FRMD4A: variants seen among roughly 807,000 people sequenced by gnomAD.
FRMD4A encodes FERM domain-containing protein 4A.
In FRMD4A, 29 loss-of-function variants were observed where a neutral mutation model predicts 129.1. The ratio of observed to expected loss-of-function variants is 0.22; its 90% CI spans 0.17 to 0.31. FRMD4A has a LOEUF of 0.31. FRMD4A is among the 10% of genes least tolerant of loss of function. The probability of loss-of-function intolerance (pLI) is 1.00; values close to 1 mark genes in which losing one functional copy is unlikely to be tolerated. For missense variants in FRMD4A, 1,272 were observed against 1,375.8 expected, an observed-to-expected ratio of 0.92 and a Z score of 1.19; for synonymous variants, 634 against 571.6, an observed-to-expected ratio of 1.11 and a Z score of -1.56.
intron 2 of FRMD4A, among the ~76,000 whole-genome samples, chr10:14,210,290 C>T (rs1564389473): frequency 6.6e-6 from 1 of 152,156 alleles, no homozygotes; most frequent in East Asian, 1.9e-4. Flanking sequence ...GACAAGGTAC[C>T]ATCTATGAAC....
chr10:13,847,936 A>G (rs2094077036), intron 3 of FRMD4A, among the ~76,000 whole-genome samples: 1 of 152,244 alleles, frequency 6.6e-6, no homozygotes, highest in South Asian at 2.1e-4. Flanking sequence ...ATTAATAAAA[A>G]CGATGACAGC....
Position 13,675,188 on chromosome 10 carries a change from C to T in FRMD4A, c.1118-144G>A, listed in dbSNP as rs553400794. 2.6e-5 allele frequency: 18 copies of T among 694,832 alleles called. No individual in the cohort carries two copies. In the African/African-American group the frequency reaches 3.0e-4, roughly 12 times the overall value. 43.0% of individuals were successfully genotyped at this position (694,832 alleles called of 1,614,324 possible). On this transcript the variant is annotated intron_variant, in intron 15 of 24. Coordinates refer to ENST00000357447, the MANE Select transcript of FRMD4A (RefSeq NM_018027.5). ...TGTGAAATAAAACAGGTGCTCAGCA[C>T]TCTAACTGTGAGAAGCACATTCCAG...
chr10:14,008,840 C>T (rs1416482162), intron 2 of FRMD4A, among the ~76,000 whole-genome samples: 1 of 151,992 alleles, frequency 6.6e-6, no homozygotes, highest in African/African-American at 2.4e-5. Context: ...TGCTTTCTAA[C>T]GCATAAAAAT....
chr10:13,646,967 C>T lies in FRMD4A; in HGVS notation c.*71G>A. On this transcript the variant is annotated 3_prime_UTR_variant, in exon 25 of 25. Coordinates refer to ENST00000357447, the MANE Select transcript of FRMD4A (RefSeq NM_018027.5). ...GGTCCCGGGCTTGGCTTTTTCCTGC[C>T]CGTACCACTGGACATCAGCTAGTTC... 1 of 984,360 alleles carries T rather than the reference C, an allele frequency of 1.0e-6. No individual in the cohort carries two copies. The highest frequency in any genetic ancestry group is 1.2e-6 in the Non-Finnish European group (1 of 828,620). 61.0% of individuals were successfully genotyped at this position (984,360 alleles called of 1,614,324 possible).
intron 19 of FRMD4A, among the ~76,000 whole-genome samples, chr10:13,663,199 A>G (rs1197748393): frequency 1.3e-5 from 2 of 152,090 alleles, no homozygotes; most frequent in African/African-American, 4.8e-5. Flanking sequence ...CAAAAAAAAA[A>G]AAAAAAGTTT....
At chr10:13,683,623 A>G (rs2084815797) in intron 15 of FRMD4A, among the ~76,000 whole-genome samples, 1 of 151,984 alleles carries the variant, frequency 6.6e-6, no homozygotes. Context: ...AGAATGAGAC[A>G]GGTAGTAGTT....
At chr10:13,769,114 C>T (rs2092378372) in intron 6 of FRMD4A, among the ~76,000 whole-genome samples, 1 of 150,624 alleles carries the variant, frequency 6.6e-6, no homozygotes, top group African/African-American at 2.5e-5. Context: ...CCTCAGCCTC[C>T]CAAGTAGCTG....
At chr10:14,058,617 GCA>G (rs1171786645) in intron 2 of FRMD4A, among the ~76,000 whole-genome samples, 1 of 152,202 alleles carries the variant, frequency 6.6e-6, no homozygotes, top group African/African-American at 2.4e-5. Context: ...ATCTAGGGAG[GCA>G]CAGATTGGAT....
At chr10:14,071,557 A>G (rs1302521291) in intron 2 of FRMD4A, among the ~76,000 whole-genome samples, 4 of 152,240 alleles carry the variant, frequency 2.6e-5, no homozygotes, top group African/African-American at 4.8e-5. Flanking sequence ...TTTAGGAAGA[A>G]AAAAAGACCT....
At chr10:14,123,685 G>A (rs1838664986) in intron 2 of FRMD4A, among the ~76,000 whole-genome samples, 1 of 152,158 alleles carries the variant, frequency 6.6e-6, no homozygotes, top group Non-Finnish European at 1.5e-5. Context: ...ACCTTTCAGA[G>A]CCTTCAAGAA....
At chr10:14,068,949 C>T (rs1588904285) in intron 2 of FRMD4A, among the ~76,000 whole-genome samples, 1 of 144,652 alleles carries the variant, frequency 6.9e-6, no homozygotes, top group Non-Finnish European at 1.5e-5. Context: ...AAATACGTCT[C>T]GAATGTTTTG....
intron 15 of FRMD4A, among the ~76,000 whole-genome samples, chr10:13,677,752 G>A (rs1353690285): frequency 2.0e-5 from 3 of 152,162 alleles, no homozygotes; most frequent in Non-Finnish European, 4.4e-5. Flanking sequence ...CTTAGTAACA[G>A]TCACCAATCA....
chr10:14,197,064 C>A (rs1326325379), intron 2 of FRMD4A, among the ~76,000 whole-genome samples: 1 of 152,160 alleles, frequency 6.6e-6, no homozygotes, highest in Non-Finnish European at 1.5e-5. Flanking sequence ...CCAGAAACAT[C>A]CCGATGGATA....
At chr10:13,737,694 G>C in intron 12 of FRMD4A, 150 bp downstream of exon 12, 1 of 581,516 alleles carries the variant, frequency 1.7e-6, no homozygotes, top group Non-Finnish European at 3.1e-6. Context: ...ACTCAGATGG[G>C]ATTGCTGTGG....
chr10:13,945,502 GT>G (rs202159651), intron 2 of FRMD4A, among the ~76,000 whole-genome samples: 16 of 151,410 alleles, frequency 1.1e-4, no homozygotes, highest in African/African-American at 1.5e-4. Context: ...TTTCCTTGCA[GT>G]TTTTTTTTCC....
intron 4 of FRMD4A, among the ~76,000 whole-genome samples, chr10:13,799,554 C>CTTAA (rs1480433530): frequency 6.6e-6 from 1 of 152,218 alleles, no homozygotes; most frequent in African/African-American, 2.4e-5. Flanking sequence ...GACAAATTAT[C>CTTAA]TTAAGCTGCA....
chr10:13,881,249 C>A (rs1401941048), intron 2 of FRMD4A, among the ~76,000 whole-genome samples: 1 of 58,418 alleles, frequency 1.7e-5, no homozygotes, highest in Non-Finnish European at 3.5e-5. Flanking sequence ...AGACCCCCAT[C>A]TCTAAAAAAA....
chr10:14,247,304 C>T (rs539284981), intron 2 of FRMD4A, among the ~76,000 whole-genome samples: 1 of 152,310 alleles, frequency 6.6e-6, no homozygotes, highest in African/African-American at 2.4e-5. Context: ...ATGGTCCTCA[C>T]TGTTAAAGCA....
intron 15 of FRMD4A, among the ~76,000 whole-genome samples, chr10:13,686,660 A>G (rs1472861167): frequency 1.3e-5 from 2 of 152,210 alleles, no homozygotes; most frequent in African/African-American, 2.4e-5. Context: ...ATCCATCACC[A>G]GATTCTTCGC....
Sources: allele counts gnomAD v4.1 joint callset (sites outside exome capture counted in the v4.1 genomes callset), GRCh38; gene constraint gnomAD v4.1.1; transcripts MANE v1.5; gene names NCBI Gene and HGNC (gene_info 2026-07-23, HGNC 2026-07-21).